IPMK: variants seen among roughly 807,000 people sequenced by gnomAD.
IPMK encodes the protein inositol polyphosphate multikinase, also known as inositol 1,3,4,6-tetrakisphosphate 5-kinase.
In IPMK, 17 loss-of-function variants were observed where a neutral mutation model predicts 45.8. That is an observed-to-expected ratio of 0.37 (90% CI 0.25 to 0.56). The LOEUF is 0.56. IPMK is among the 20% of genes least tolerant of loss of function. IPMK has a pLI of 0.79. For synonymous variants in IPMK, 180 were observed against 184.3 expected (o/e 0.98, Z 0.19); for missense variants, 399 against 498.0 (o/e 0.80, Z 1.89).
chr10:58,240,977 T>G (rs1838688575), intron 1 of IPMK, among the ~76,000 whole-genome samples: 1 of 152,108 alleles, frequency 6.6e-6, no homozygotes, highest in African/African-American at 2.4e-5. Flanking sequence ...AAGTCTTAAG[T>G]TGTTGAGGTA....
chr10:58,246,994 G>A (rs1410891715), intron 1 of IPMK, among the ~76,000 whole-genome samples: 1 of 150,564 alleles, frequency 6.6e-6, no homozygotes, highest in African/African-American at 2.5e-5. Context: ...AGTAGGCAAA[G>A]GACATGAACA....
At chr10:58,242,328 C>T (rs781178192) in intron 1 of IPMK, among the ~76,000 whole-genome samples, 2 of 151,890 alleles carry the variant, frequency 1.3e-5, no homozygotes, top group African/African-American at 2.4e-5. Context: ...GGCGTTGTGG[C>T]GGACGCCTGT....
In IPMK at chr10:58,196,553, T is replaced by C. The variant is rs768041734; in HGVS notation, c.774A>G (p.Glu258=). Residue 258 remains glutamate, a synonymous_variant, in exon 6 of 6, where the codon GAA becomes GAG. Transcript: ENST00000373935. The part of the protein sequence containing the change: ...FYASSLLFVY[E]GSSQPTTTKL... ...TTGTAGTGGTTGGCTGAGATGAACC[T>C]TCATAAACAAAGAGTAATGAACTTG... 2.7e-5 allele frequency: 44 copies of C among 1,613,936 alleles called. No individual in the cohort carries two copies. The highest frequency in any genetic ancestry group is 5.3e-5 in the African/African-American group (4 of 74,934).
At chr10:58,236,195 T>G (rs1838610207) in intron 2 of IPMK, among the ~76,000 whole-genome samples, 1 of 151,942 alleles carries the variant, frequency 6.6e-6, no homozygotes. Flanking sequence ...CCTCCCAAAG[T>G]ACTGAGATTA....
chr10:58,200,410 C>T (rs538251409), intron 4 of IPMK, among the ~76,000 whole-genome samples: 7 of 152,224 alleles, frequency 4.6e-5, no homozygotes, highest in East Asian at 3.9e-4. Context: ...TAAGCCACCA[C>T]GCCCGGCCTC....
intron 4 of IPMK, among the ~76,000 whole-genome samples, chr10:58,209,568 T>C (rs1018057079): frequency 2.6e-4 from 39 of 152,208 alleles, no homozygotes; most frequent in Non-Finnish European, 2.2e-4. Flanking sequence ...GGCTCCGGTA[T>C]GTGCTGGGAA....
intron 3 of IPMK, among the ~76,000 whole-genome samples, chr10:58,217,419 T>C (rs1332656690): frequency 6.6e-6 from 1 of 151,630 alleles, no homozygotes; most frequent in Non-Finnish European, 1.5e-5. Flanking sequence ...CCAGGTGAGG[T>C]ACCTCACGCC....
intron 1 of IPMK, among the ~76,000 whole-genome samples, chr10:58,262,932 G>A (rs535766756): frequency 1.3e-5 from 2 of 151,982 alleles, no homozygotes; most frequent in East Asian, 3.9e-4. Flanking sequence ...AGAATGGGGG[G>A]AAAAAATCAC....
At position 58,267,786 on chromosome 10, in the gene IPMK, G is replaced by A. The variant is rs1200584637; in HGVS notation, c.-175C>T. On this transcript the variant is annotated 5_prime_UTR_variant, in exon 1 of 6. Coordinates refer to ENST00000373935, the MANE Select transcript of IPMK (RefSeq NM_152230.5). ...GGCCCATGACGCCGCCGGGGCGCGGGCGCTCCTCTGCCCAACTCTCGGCGG... is the reference window on the plus strand; with the variant it reads ...GGCCCATGACGCCGCCGGGGCGCGGACGCTCCTCTGCCCAACTCTCGGCGG... The A allele has an allele frequency of 1.3e-5, 7 of 558,884 alleles. No homozygotes were observed. The highest frequency in any genetic ancestry group is 1.2e-4 in the African/African-American group (6 of 49,642). The allele number at this position is 558,884 out of a possible 1,614,324, so 34.6% of individuals were successfully genotyped here. A position where few individuals can be genotyped will look rare whatever the true frequency, so the allele number is the denominator to read the frequency against.
chr10:58,211,256 A>G (rs937751499), intron 4 of IPMK, among the ~76,000 whole-genome samples: 3 of 151,656 alleles, frequency 2.0e-5, no homozygotes, highest in Non-Finnish European at 2.9e-5. Flanking sequence ...CAGTGGTACA[A>G]TCTCAGCTCA....
intron 1 of IPMK, among the ~76,000 whole-genome samples, chr10:58,240,893 T>C (rs1838687026): frequency 1.3e-5 from 2 of 152,050 alleles, no homozygotes; most frequent in South Asian, 4.1e-4. Flanking sequence ...CCAGAAAAAG[T>C]GACCATCAGA....
intron 4 of IPMK, among the ~76,000 whole-genome samples, chr10:58,210,815 CAG>C (rs1168236616): frequency 6.6e-6 from 1 of 152,212 alleles, no homozygotes; most frequent in African/African-American, 2.4e-5. Context: ...ACCTAACTCA[CAG>C]AGTTTGCAGT....
intron 3 of IPMK, among the ~76,000 whole-genome samples, chr10:58,224,942 G>T (rs957051038): frequency 5.3e-5 from 8 of 152,148 alleles, no homozygotes; most frequent in African/African-American, 1.9e-4. Context: ...AAAACAGAAA[G>T]ATGATTCTAT....
At chr10:58,196,760 A>T in intron 5 of IPMK, 62 bp from the exon 6 acceptor site, 2 of 1,135,566 alleles carry the variant, frequency 1.8e-6, no homozygotes, top group Non-Finnish European at 2.5e-6. Flanking sequence ...TTTGGGAAGT[A>T]AACTCATCAC....
chr10:58,209,575 G>T (rs757356020), intron 4 of IPMK, among the ~76,000 whole-genome samples: 3 of 152,182 alleles, frequency 2.0e-5, no homozygotes, highest in Admixed American at 1.3e-4. Flanking sequence ...GTATGTGCTG[G>T]GAATGTCTGC....
chr10:58,235,487 TA>T (rs1161525477), intron 2 of IPMK, among the ~76,000 whole-genome samples: 1 of 152,004 alleles, frequency 6.6e-6, no homozygotes, highest in African/African-American at 2.4e-5. Context: ...TATGCAGCCA[TA>T]AAAAAGAATG....
intron 3 of IPMK, among the ~76,000 whole-genome samples, chr10:58,224,944 T>C (rs564772198): frequency 2.0e-5 from 3 of 152,324 alleles, no homozygotes; most frequent in African/African-American, 4.8e-5. Context: ...AACAGAAAGA[T>C]GATTCTATGA....
intron 2 of IPMK, 42 bp from the exon 3 acceptor site, chr10:58,227,181 T>A: frequency 2.3e-6 from 3 of 1,332,106 alleles, no homozygotes; most frequent in Non-Finnish European, 3.2e-6. Context: ...CTTACAATGC[T>A]TTGTAACTGC....
chr10:58,237,831 A>G lies in IPMK; in HGVS notation c.191-17T>C. 6.3e-7 allele frequency: 1 copy of G among 1,587,500 alleles called. No individual in the cohort carries two copies. The highest frequency in any genetic ancestry group is 1.1e-5 in the South Asian group (1 of 90,498). ...GCAGTATACCTATGGAACAAAAATC[A>G]GAAATTGTTTAATGCTTTAATAATA... On this transcript the variant is annotated splice_polypyrimidine_tract_variant and intron_variant, in intron 1 of 5. Transcript: ENST00000373935.
Sources: allele counts gnomAD v4.1 joint callset (sites outside exome capture counted in the v4.1 genomes callset), GRCh38; gene constraint gnomAD v4.1.1; transcripts MANE v1.5; gene names NCBI Gene and HGNC (gene_info 2026-07-23, HGNC 2026-07-21).